The following SLMAP variants were observed in gnomAD, a reference collection of about 807,000 sequenced individuals.
The protein encoded by SLMAP is sarcolemma associated protein.
SLMAP carries 44 observed loss-of-function variants against 128.8 expected under a neutral mutation model. The ratio of observed to expected loss-of-function variants is 0.34; its 90% CI spans 0.27 to 0.44. SLMAP has a LOEUF of 0.44. Among genes scored for constraint, SLMAP ranks in the 20% least tolerant of loss-of-function variants. SLMAP has a pLI of 1.00. For missense variants in SLMAP, 787 were observed against 985.3 expected (o/e 0.80, Z 2.69); for synonymous variants, 327 against 348.8 (o/e 0.94, Z 0.70).
At chr3:57,875,177 G>GA (rs1456671203) in intron 14 of SLMAP, among the ~76,000 whole-genome samples, 1 of 152,004 alleles carries the variant, frequency 6.6e-6, no homozygotes. Flanking sequence ...CTACATACAA[G>GA]AAAAAAATCA....
intron 16 of SLMAP, 82 bp from the exon 17 acceptor site, chr3:57,896,791 A>G (rs1400214896): frequency 1.2e-5 from 17 of 1,471,220 alleles, no homozygotes; most frequent in Middle Eastern, 1.8e-4. Context: ...ATCAATTCCA[A>G]TTGTTTGTTT....
At chr3:57,835,278 G>C (rs1560165468) in intron 3 of SLMAP, among the ~76,000 whole-genome samples, 1 of 151,458 alleles carries the variant, frequency 6.6e-6, no homozygotes, top group Admixed American at 6.6e-5. Flanking sequence ...GTCTCTACCC[G>C]CTCCCCTGGC....
At chr3:57,872,931 T>C (rs1042314243) in intron 14 of SLMAP, among the ~76,000 whole-genome samples, 10 of 152,202 alleles carry the variant, frequency 6.6e-5, no homozygotes, top group African/African-American at 2.4e-4. Flanking sequence ...AATTTCATTT[T>C]GTGGATATTC....
intron 3 of SLMAP, among the ~76,000 whole-genome samples, chr3:57,832,476 G>A (rs6789533): frequency 5.3e-5 from 8 of 152,030 alleles, no homozygotes; most frequent in South Asian, 2.1e-4. Flanking sequence ...CCTAGTTCAC[G>A]GTCTTCTTTA....
Position 57,791,345 on chromosome 3 carries a change from G to C in SLMAP, c.198+33496G>C, listed in dbSNP as rs535819827. Reference sequence around the variant, plus strand: ...ACTGCACTCAAGCCTGGGCAACAGAGACTCCATCTCAAAAAGAAAAAAAAA... The same window carrying C: ...ACTGCACTCAAGCCTGGGCAACAGACACTCCATCTCAAAAAGAAAAAAAAA... On this transcript the variant is annotated intron_variant, in intron 2 of 24. Transcript: ENST00000671191. Among the ~76,000 whole-genome samples, 181 of 151,578 alleles carry C rather than the reference G, an allele frequency of 1.2e-3. 2 individuals are homozygous for C. Among genetic ancestry groups the C allele is most frequent in the African/African-American group, 4.1e-3 (171 of 41,308 alleles).
At chr3:57,896,225 C>T in intron 15 of SLMAP, 1 of 1,106,314 alleles carries the variant, frequency 9.0e-7, no homozygotes, top group Non-Finnish European at 1.1e-6. Context: ...TTTAGCAAAG[C>T]TTGCTTCGTT....
chr3:57,866,461 A>G (rs377354564), intron 13 of SLMAP, among the ~76,000 whole-genome samples: 6 of 152,144 alleles, frequency 3.9e-5, no homozygotes, highest in Non-Finnish European at 7.3e-5. Flanking sequence ...AATTGTGTGT[A>G]TGTTAGCTGC....
At chr3:57,915,901 A>C (rs1277553643) in intron 21 of SLMAP, among the ~76,000 whole-genome samples, 2 of 152,186 alleles carry the variant, frequency 1.3e-5, no homozygotes, top group African/African-American at 4.8e-5. Flanking sequence ...TCACACCTGT[A>C]ATTCCAGCAC....
intron 2 of SLMAP, among the ~76,000 whole-genome samples, chr3:57,776,423 T>C (rs180951286): frequency 1.2e-4 from 19 of 152,260 alleles, no homozygotes; most frequent in South Asian, 6.2e-4. Flanking sequence ...AAATCAGAAT[T>C]GAGTGATAGA....
intron 19 of SLMAP, among the ~76,000 whole-genome samples, chr3:57,910,040 C>T (rs1180054534): frequency 1.3e-5 from 2 of 152,048 alleles, no homozygotes; most frequent in East Asian, 1.9e-4. Context: ...TGAGTTATGT[C>T]GTGAGTTCCT....
At chr3:57,861,832 G>A in intron 9 of SLMAP, 117 bp from the exon 10 acceptor site, 1 of 803,562 alleles carries the variant, frequency 1.2e-6, no homozygotes, top group Non-Finnish European at 2.0e-6. Context: ...GTCCAGGGCA[G>A]ATGTTGATTT....
chr3:57,858,018 A>G (rs2094875682), intron 7 of SLMAP, 70 bp from the exon 8 acceptor site: 9 of 1,083,128 alleles, frequency 8.3e-6, no homozygotes, highest in Non-Finnish European at 1.3e-5. Context: ...TGTCAGTAGC[A>G]ACCTTTTTTT....
At chr3:57,773,427 T>C (rs1424940464) in intron 2 of SLMAP, among the ~76,000 whole-genome samples, 1 of 152,238 alleles carries the variant, frequency 6.6e-6, no homozygotes, top group African/African-American at 2.4e-5. Context: ...AATTGGTTTC[T>C]TTATACAATA....
At chr3:57,865,118 G>T in intron 12 of SLMAP, 124 bp from the exon 13 acceptor site, 1 of 603,932 alleles carries the variant, frequency 1.7e-6, no homozygotes, top group South Asian at 2.6e-5. Context: ...TGAACAGCAG[G>T]ATCCCTTTTA....
intron 14 of SLMAP, among the ~76,000 whole-genome samples, chr3:57,877,068 G>T (rs1241680103): frequency 1.3e-5 from 2 of 151,748 alleles, no homozygotes; most frequent in African/African-American, 4.8e-5. Flanking sequence ...GAGATCTGAG[G>T]ATGTATTCTT....
intron 14 of SLMAP, 117 bp from the exon 15 acceptor site, chr3:57,889,924 G>A: frequency 1.5e-6 from 1 of 669,444 alleles, no homozygotes; most frequent in Non-Finnish European, 2.7e-6. Flanking sequence ...ATTCAAGCTT[G>A]GTCATAGGAG....
Position 57,781,265 on chromosome 3 carries a change from G to T in SLMAP, c.198+23416G>T, listed in dbSNP as rs1216154957. Among the ~76,000 whole-genome samples the T allele has an allele frequency of 1.3e-5, 2 of 151,742 alleles. 1 individual carries two copies. The highest frequency in any genetic ancestry group is 2.9e-5 in the Non-Finnish European group (2 of 67,970). The stretch of plus-strand genomic sequence containing the variant: ...GATAAGATTTTCTTAAATTCCAAAG[G>T]TTTCTTATTGCAGCTACATTATGTA... On this transcript the variant is annotated intron_variant, in intron 2 of 24. Coordinates refer to ENST00000671191, the MANE Select transcript of SLMAP (RefSeq NM_001377540.1).
chr3:57,802,963 G>A (rs1032604943), intron 2 of SLMAP, among the ~76,000 whole-genome samples: 12 of 152,172 alleles, frequency 7.9e-5, no homozygotes, highest in African/African-American at 2.7e-4. Flanking sequence ...TACTTGAGAA[G>A]AAATACATAA....
rs902624278 is a variant in SLMAP at position 57,815,938 on chromosome 3, A to G, written c.199-15445A>G. Among the ~76,000 whole-genome samples, 14 of 152,368 alleles carry G rather than the reference A, an allele frequency of 9.2e-5. No homozygotes were observed. In the South Asian group the frequency reaches 2.9e-3, roughly 32 times the overall value. The stretch of plus-strand genomic sequence containing the variant: ...TAATAATAATAGCTACCATTTGTTT[A>G]GCAGTTAGTATGTACAAATACTGTG... On this transcript the variant is annotated intron_variant, in intron 2 of 24. Coordinates refer to ENST00000671191, the MANE Select transcript of SLMAP (RefSeq NM_001377540.1).
Sources: allele counts gnomAD v4.1 joint callset (sites outside exome capture counted in the v4.1 genomes callset), GRCh38; gene constraint gnomAD v4.1.1; transcripts MANE v1.5; gene names NCBI Gene and HGNC (gene_info 2026-07-23, HGNC 2026-07-21).